Variants in ZNRF1 observed in about 807,000 individuals in gnomAD.
The protein encoded by ZNRF1 is zinc and ring finger 1.
A neutral mutation model predicts 18.4 loss-of-function variants in ZNRF1; 3 were observed. The ratio of observed to expected loss-of-function variants is 0.16; its 90% confidence interval spans 0.07 to 0.42. The LOEUF is 0.42. ZNRF1 is among the 10% of genes least tolerant of loss of function. The pLI is 0.99. For synonymous variants in ZNRF1, 157 were observed against 144.2 expected, an observed-to-expected ratio of 1.09 and a Z score of -0.64; for missense variants, 310 against 329.8, an observed-to-expected ratio of 0.94 and a Z score of 0.47.
chr16:75,006,378 G>C (rs2034917219), intron 1 of ZNRF1, among the ~76,000 whole-genome samples: 1 of 152,138 alleles, frequency 6.6e-6, no homozygotes, highest in South Asian at 2.1e-4. Flanking sequence ...TAAGGTTGTG[G>C]TTCTAGAATC....
At chr16:75,053,909 T>C (rs544016085) in intron 1 of ZNRF1, among the ~76,000 whole-genome samples, 2 of 152,228 alleles carry the variant, frequency 1.3e-5, no homozygotes, top group East Asian at 3.9e-4. Flanking sequence ...TTTGGCTCAT[T>C]GTGGCCACGC....
rs778668725 is a variant in ZNRF1, at chr16:75,026,902, C to CA, written c.424+26818dup. ...CCTGGGCAACAGAATGAGACTGTCT[C>CA]AAAAAAAAAAAGAAAGAAAGAAAAA... On this transcript the variant is annotated intron_variant, in intron 1 of 4. Transcript: ENST00000335325. Among the ~76,000 whole-genome samples the CA allele has an allele frequency of 5.0e-3, 662 of 132,338 alleles. 7 individuals are homozygous for CA. The highest frequency in any genetic ancestry group is 0.048 in the Middle Eastern group (13 of 270). 86.8% of individuals were successfully genotyped at this position (132,338 alleles called of 152,430 possible).
In ZNRF1 at chr16:74,999,939, G is replaced by A. The variant is rs1425684080; in HGVS notation, c.268G>A (p.Gly90Arg). The A allele has an allele frequency of 1.3e-6, 2 of 1,567,834 alleles. No individual in the cohort carries two copies. Among genetic ancestry groups the A allele is most frequent in the Admixed American group, 1.9e-5 (1 of 53,554 alleles). Residue 90 changes from glycine (G) to arginine (R), a missense_variant, in exon 1 of 5, where the codon GGG becomes AGG. This residue lies in a region of ZNRF1 where 293 missense variants were observed against 291.2 expected (regional missense o/e 1.01). Transcript: ENST00000335325. ...CTCCGAGAGGGCGCCCGGCGGCGGA[G>A]GGTCTGCGTCCGACTCCACCTATGC... ...GDSERAPGGG[G>R]SASDSTYAHG...
At chr16:75,010,486 G>A (rs1041902456) in intron 1 of ZNRF1, among the ~76,000 whole-genome samples, 4 of 152,008 alleles carry the variant, frequency 2.6e-5, no homozygotes, top group African/African-American at 4.8e-5. Context: ...GAGTACTTTG[G>A]CTGTTGGTAG....
intron 1 of ZNRF1, among the ~76,000 whole-genome samples, chr16:75,005,029 G>A (rs1242319122): frequency 2.0e-5 from 3 of 152,098 alleles, no homozygotes; most frequent in African/African-American, 7.2e-5. Flanking sequence ...TTAGCTAATG[G>A]GGGAGAATTG....
intron 1 of ZNRF1, among the ~76,000 whole-genome samples, chr16:75,022,801 G>T (rs542474228): frequency 2.0e-5 from 3 of 152,182 alleles, no homozygotes; most frequent in Non-Finnish European, 4.4e-5. Flanking sequence ...ATAGTACAGA[G>T]AGAATCGGTA....
At chr16:75,054,794 A>G (rs2035648104) in intron 1 of ZNRF1, among the ~76,000 whole-genome samples, 1 of 152,204 alleles carries the variant, frequency 6.6e-6, no homozygotes, top group African/African-American at 2.4e-5. Context: ...TTCTCTAGGA[A>G]TGTGGGAATT....
chr16:75,092,205 T>C (rs776777855), intron 1 of ZNRF1, among the ~76,000 whole-genome samples: 1 of 151,952 alleles, frequency 6.6e-6, no homozygotes, highest in Non-Finnish European at 1.5e-5. Flanking sequence ...TTAGTGTTCG[T>C]TAAGTGGAAG....
chr16:75,096,236 C>A lies in ZNRF1; in HGVS notation c.520+2569C>A, dbSNP rs573642044. Among the ~76,000 whole-genome samples, 10 of 152,272 alleles carry A rather than the reference C, an allele frequency of 6.6e-5. No individual in the cohort carries two copies. The South Asian group carries it at 1.7e-3, about 25-fold the overall frequency. ...CGTGGTGAAGTGCTTTGTTCAGAAA[C>A]AATGGTCCGGCCCTCTGTGGACCCT... On this transcript the variant is annotated intron_variant, in intron 2 of 4. Coordinates refer to ENST00000335325, the MANE Select transcript of ZNRF1 (RefSeq NM_032268.5).
chr16:75,074,810 A>G (rs965617080), intron 1 of ZNRF1, among the ~76,000 whole-genome samples: 3 of 152,206 alleles, frequency 2.0e-5, no homozygotes, highest in Non-Finnish European at 4.4e-5. Context: ...GCTCATGCCT[A>G]TAATCCCAGC....
At chr16:75,086,396 G>C (rs527716163) in intron 1 of ZNRF1, among the ~76,000 whole-genome samples, 2 of 152,328 alleles carry the variant, frequency 1.3e-5, no homozygotes, top group South Asian at 4.1e-4. Context: ...TGCAGAGGTT[G>C]AGTCCAGAAG....
chr16:75,069,276 T>C (rs1160109956), intron 1 of ZNRF1, among the ~76,000 whole-genome samples: 1 of 152,218 alleles, frequency 6.6e-6, no homozygotes, highest in Non-Finnish European at 1.5e-5. Context: ...CCTCTTACCC[T>C]GCTGTAAATA....
chr16:75,022,302 G>A (rs1007808675), intron 1 of ZNRF1, among the ~76,000 whole-genome samples: 5 of 151,178 alleles, frequency 3.3e-5, no homozygotes, highest in Non-Finnish European at 7.4e-5. Context: ...GGTGGCTCAC[G>A]CCTGTAATCC....
intron 1 of ZNRF1, among the ~76,000 whole-genome samples, chr16:75,035,122 A>AC (rs1424730280): frequency 5.1e-4 from 30 of 59,078 alleles, no homozygotes; most frequent in African/African-American, 1.7e-3. Context: ...CCCACCCTCC[A>AC]CCCCCCCTCC....
At chr16:75,067,598 C>T (rs1021944775) in intron 1 of ZNRF1, among the ~76,000 whole-genome samples, 2 of 152,004 alleles carry the variant, frequency 1.3e-5, no homozygotes, top group African/African-American at 2.4e-5. Flanking sequence ...ATGATGTCTG[C>T]GCAAAAACAG....
At chr16:75,023,677 C>T (rs1339490670) in intron 1 of ZNRF1, among the ~76,000 whole-genome samples, 1 of 147,972 alleles carries the variant, frequency 6.8e-6, no homozygotes, top group Non-Finnish European at 1.5e-5. Context: ...GAGCGAAACT[C>T]CATCAAACAA....
chr16:75,042,007 GACTT>G (rs1426361089), intron 1 of ZNRF1, among the ~76,000 whole-genome samples: 2 of 152,008 alleles, frequency 1.3e-5, no homozygotes, highest in Non-Finnish European at 2.9e-5. Context: ...AAAAAACAAA[GACTT>G]AATTATTTTA....
Position 75,072,063 on chromosome 16 carries a change from C to T in ZNRF1, c.425-21509C>T, listed in dbSNP as rs189137084. Among the ~76,000 whole-genome samples, 533 of 152,152 alleles carry T rather than the reference C, an allele frequency of 3.5e-3. 2 individuals are homozygous for T. The highest frequency in any genetic ancestry group is 0.017 in the Middle Eastern group (5 of 294). On this transcript the variant is annotated intron_variant, in intron 1 of 4. Transcript: ENST00000335325. ...AATCAGTCCTCCCACTTCAGCCTCC[C>T]GAATAGCTGGGACTACAAAGTGCAT...
chr16:75,109,533 C>G lies in ZNRF1; in HGVS notation c.*1833C>G, dbSNP rs770360725. 6.5e-6 allele frequency: 1 copy of G among 152,848 alleles called. No individual in the cohort carries two copies. The highest frequency in any genetic ancestry group is 1.5e-5 in the Non-Finnish European group (1 of 68,274). 9.5% of individuals were successfully genotyped at this position (152,848 alleles called of 1,614,324 possible). A position where few individuals can be genotyped will look rare whatever the true frequency, so the allele number is the denominator to read the frequency against. On this transcript the variant is annotated 3_prime_UTR_variant, in exon 5 of 5. Coordinates refer to ENST00000335325, the MANE Select transcript of ZNRF1 (RefSeq NM_032268.5). ...CAACAGGCCAGTGGGCAAACGTGAG[C>G]CAGGGCCAGCGGAGAAACACTAAAG...
Sources: allele counts gnomAD v4.1 joint callset (sites outside exome capture counted in the v4.1 genomes callset), GRCh38; gene constraint gnomAD v4.1.1; regional missense constraint gnomAD v4.1.1; transcripts MANE v1.5; gene names NCBI Gene and HGNC (gene_info 2026-07-23, HGNC 2026-07-21).